Variants in TRHDE observed in about 807,000 individuals in gnomAD.
TRHDE encodes thyrotropin releasing hormone degrading enzyme.
TRHDE carries 72 observed loss-of-function variants against 125.7 expected under a neutral mutation model. That is an observed-to-expected ratio of 0.57 (90% CI 0.47 to 0.70). The LOEUF is 0.70. Among genes scored for constraint, TRHDE ranks in the 30% least tolerant of loss-of-function variants. The pLI is 0.00. For synonymous variants in TRHDE, 509 were observed against 509.1 expected, an observed-to-expected ratio of 1.00 and a Z score of 0.00; for missense variants, 1,110 against 1,327.1, an observed-to-expected ratio of 0.84 and a Z score of 2.54.
intron 1 of TRHDE, among the ~76,000 whole-genome samples, chr12:72,091,872 A>G (rs111574365): frequency 2.0e-5 from 3 of 152,068 alleles, no homozygotes; most frequent in African/African-American, 7.3e-5. Flanking sequence ...CTCCTCCTTG[A>G]TCTTGCTACC....
At chr12:72,593,554 T>C (rs960097247) in intron 12 of TRHDE, among the ~76,000 whole-genome samples, 1 of 152,212 alleles carries the variant, frequency 6.6e-6, no homozygotes, top group African/African-American at 2.4e-5. Flanking sequence ...CTAGGGTACC[T>C]GTGCACAACG....
intron 12 of TRHDE, among the ~76,000 whole-genome samples, chr12:72,611,938 T>C (rs903939568): frequency 6.6e-6 from 1 of 152,228 alleles, no homozygotes; most frequent in Non-Finnish European, 1.5e-5. Flanking sequence ...TCACTATTAA[T>C]AACAAATGCA....
intron 2 of TRHDE, among the ~76,000 whole-genome samples, chr12:72,193,951 A>G (rs953008318): frequency 1.3e-5 from 2 of 152,082 alleles, no homozygotes; most frequent in African/African-American, 4.8e-5. Flanking sequence ...CATACCTATG[A>G]TTGTGGAAAC....
intron 2 of TRHDE, among the ~76,000 whole-genome samples, chr12:72,149,633 T>C (rs1256054935): frequency 6.6e-6 from 1 of 152,092 alleles, no homozygotes; most frequent in Non-Finnish European, 1.5e-5. Flanking sequence ...TAATAATACA[T>C]GTTTATTGTA....
Position 72,272,542 on chromosome 12 carries a change from C to T in TRHDE, c.-102C>T. 1.7e-6 allele frequency: 1 copy of T among 574,362 alleles called. No individual in the cohort carries two copies. Among genetic ancestry groups the T allele is most frequent in the East Asian group, 2.9e-5 (1 of 34,076 alleles). The allele number at this position is 574,362 out of a possible 1,614,324, so 35.6% of individuals were successfully genotyped here. On this transcript the variant is annotated 5_prime_UTR_variant, in exon 1 of 19. Coordinates refer to ENST00000261180, the MANE Select transcript of TRHDE (RefSeq NM_013381.3). The surrounding 1 kb of genome is among the most constrained non-coding windows in gnomAD (Gnocchi z 6.7). ...GGGCCAGCATCCCCAGTCGCGCGCC[C>T]TCGGCCCGCGTGAGCTCTCCGATGC...
chr12:72,409,077 C>A (rs1208378546), intron 3 of TRHDE, among the ~76,000 whole-genome samples: 1 of 152,134 alleles, frequency 6.6e-6, no homozygotes, highest in Non-Finnish European at 1.5e-5. Context: ...AAGAAATACA[C>A]ACTTGAATAT....
At chr12:72,647,706 A>G (rs1874339384) in intron 15 of TRHDE, among the ~76,000 whole-genome samples, 1 of 152,138 alleles carries the variant, frequency 6.6e-6, no homozygotes, top group Non-Finnish European at 1.5e-5. Context: ...AATATAGCTT[A>G]TCAAGACTAA....
At chr12:72,199,209 CTG>C (rs1301028489) in intron 2 of TRHDE, among the ~76,000 whole-genome samples, 4 of 152,046 alleles carry the variant, frequency 2.6e-5, no homozygotes, top group African/African-American at 9.7e-5. Flanking sequence ...TGGAGTGACT[CTG>C]TGCTTAGAGT....
intron 15 of TRHDE, among the ~76,000 whole-genome samples, chr12:72,634,702 C>A (rs1215620533): frequency 6.9e-6 from 1 of 144,230 alleles, no homozygotes; most frequent in Non-Finnish European, 1.5e-5. Context: ...CCTCCTGTGT[C>A]CATGTGTTCT....
At chr12:72,487,497 G>A (rs1366742887) in intron 5 of TRHDE, among the ~76,000 whole-genome samples, 2 of 152,038 alleles carry the variant, frequency 1.3e-5, no homozygotes, top group African/African-American at 4.8e-5. Flanking sequence ...TCAAAGTACT[G>A]AAAGAAAATA....
chr12:72,299,901 C>T (rs369064532), intron 2 of TRHDE, among the ~76,000 whole-genome samples: 4 of 152,030 alleles, frequency 2.6e-5, no homozygotes, highest in East Asian at 3.9e-4. Flanking sequence ...AGAAGACCAA[C>T]GAGGGCATGG....
At chr12:72,471,166 C>T (rs10879430) in intron 4 of TRHDE, among the ~76,000 whole-genome samples, 19,940 of 152,050 alleles carry the variant, frequency 0.13, 2,058 homozygotes, top group African/African-American at 0.28. Flanking sequence ...GCGTGAGCCA[C>T]CGTGCCCAGC....
intron 2 of TRHDE, among the ~76,000 whole-genome samples, chr12:72,195,322 CT>C (rs1270417929): frequency 6.6e-6 from 1 of 152,150 alleles, no homozygotes; most frequent in African/African-American, 2.4e-5. Flanking sequence ...TAAGAAATCT[CT>C]AAACTGCTTT....
In TRHDE at chr12:72,286,855, G is replaced by A. The variant is rs751835886; in HGVS notation, c.1089G>A (p.Thr363=). ...TSVFEEDGWV[T]DHFSQTPLMS... ...TGTTTGAGGAAGATGGATGGGTTACGGATCACTTTTCACAGACCCCTCTCA... is the reference window on the plus strand; with the variant it reads ...TGTTTGAGGAAGATGGATGGGTTACAGATCACTTTTCACAGACCCCTCTCA... Residue 363 remains threonine (T), a synonymous_variant, in exon 2 of 19, where the codon ACG becomes ACA. Transcript: ENST00000261180. The A allele has an allele frequency of 1.1e-5, 17 of 1,613,658 alleles. No homozygotes were observed. The highest frequency in any genetic ancestry group is 1.3e-5 in the Non-Finnish European group (15 of 1,179,900).
At chr12:72,378,257 A>G in intron 3 of TRHDE, 136 bp downstream of exon 3, 1 of 916,458 alleles carries the variant, frequency 1.1e-6, no homozygotes, top group East Asian at 2.9e-5. Flanking sequence ...ACAAAAAAAA[A>G]TTTCTTTTGA....
At chr12:72,247,135 G>C (rs1458038750) in intron 2 of TRHDE, among the ~76,000 whole-genome samples, 2 of 152,056 alleles carry the variant, frequency 1.3e-5, no homozygotes, top group Non-Finnish European at 2.9e-5. Flanking sequence ...TGTATCCTGT[G>C]TATATCCTGT....
intron 2 of TRHDE, 24 bp from the exon 3 acceptor site, chr12:72,377,971 A>T: frequency 6.6e-7 from 1 of 1,521,110 alleles, no homozygotes. Context: ...GGCTAAAGTA[A>T]CTTTTATATA....
chr12:72,605,239 C>T (rs955838963), intron 12 of TRHDE, among the ~76,000 whole-genome samples: 10 of 152,036 alleles, frequency 6.6e-5, no homozygotes, highest in African/African-American at 2.4e-4. Flanking sequence ...GATTTCAAAA[C>T]GCTTTCAGAG....
Position 72,273,637 on chromosome 12 carries a change from C to G in TRHDE, c.914+80C>G. On this transcript the variant is annotated intron_variant, in intron 1 of 18. Transcript: ENST00000261180. This position sits in a 1 kb window ranked among gnomAD's most constrained non-coding sequence, Gnocchi z 5.3. ...TCTGGGCGGCCTGCGACCCCGGGGACCCAGCTGGCTTCCAATACCCGGGAA... is the reference window on the plus strand; with the variant it reads ...TCTGGGCGGCCTGCGACCCCGGGGAGCCAGCTGGCTTCCAATACCCGGGAA... 1 of 1,386,282 alleles carries G rather than the reference C, an allele frequency of 7.2e-7. No individual in the cohort carries two copies. Among genetic ancestry groups the G allele is most frequent in the Non-Finnish European group, 9.8e-7 (1 of 1,025,148 alleles). 85.9% of individuals were successfully genotyped at this position (1,386,282 alleles called of 1,614,324 possible). A position where few individuals can be genotyped will look rare whatever the true frequency, so the allele number is the denominator to read the frequency against.
Sources: gnomAD v4.1 joint callset for allele counts (sites outside exome capture counted in the v4.1 genomes callset) on GRCh38, gnomAD v4.1.1 for gene constraint, Gnocchi (gnomAD v3.1) non-coding constraint, MANE v1.5 for transcripts, NCBI Gene and HGNC (gene_info 2026-07-23, HGNC 2026-07-21) for gene names.